The following ANKRD26 variants were observed in gnomAD, a reference collection of about 807,000 sequenced individuals.
ANKRD26 encodes ankyrin repeat domain 26.
In ANKRD26, 141 loss-of-function variants were observed where a neutral mutation model predicts 208.7. That is an observed-to-expected ratio of 0.68 (90% CI 0.59 to 0.78). The LOEUF is 0.78. Ranked by LOEUF, ANKRD26 falls within the 30% of genes least tolerant of loss-of-function variation. ANKRD26 has a pLI of 0.00. For synonymous variants in ANKRD26, 636 were observed against 660.4 expected, an observed-to-expected ratio of 0.96 and a Z score of 0.57; for missense variants, 1,889 against 1,938.7, an observed-to-expected ratio of 0.97 and a Z score of 0.48.
At chr10:27,051,233 G>C in intron 16 of ANKRD26, 2 of 1,289,774 alleles carry the variant, frequency 1.6e-6, no homozygotes, top group Non-Finnish European at 2.0e-6. Context: ...CAGGTTCCAT[G>C]CTTTTATAGT....
intron 18 of ANKRD26, 98 bp downstream of exon 18, chr10:27,046,255 G>A (rs536534154): frequency 2.7e-5 from 32 of 1,201,666 alleles, no homozygotes; most frequent in East Asian, 5.0e-5. Flanking sequence ...GGAAACAGTC[G>A]ATATTCTCTA....
chr10:26,955,637 A>G, the ANKRD26 span, among the ~76,000 whole-genome samples: 1 of 152,146 alleles, frequency 6.6e-6, no homozygotes, highest in South Asian at 2.1e-4. Context: ...ACTGTCCTAA[A>G]TGAATGTTGG....
At chr10:27,014,788 G>C in intron 30 of ANKRD26, 77 bp from the exon 31 acceptor site, 1 of 1,227,228 alleles carries the variant, frequency 8.1e-7, no homozygotes. Flanking sequence ...GGTGTCTAAG[G>C]GCTGTTTTGT....
intron 4 of ANKRD26, among the ~76,000 whole-genome samples, chr10:26,981,292 AGAG>A (rs1268782732): frequency 6.6e-6 from 1 of 152,236 alleles, no homozygotes; most frequent in Non-Finnish European, 1.5e-5. Flanking sequence ...AGTCAGCAAA[AGAG>A]GAGCTAACTG....
At chr10:27,016,579 G>GA (rs138363042) in intron 30 of ANKRD26, among the ~76,000 whole-genome samples, 1 of 145,762 alleles carries the variant, frequency 6.9e-6, no homozygotes, top group Non-Finnish European at 1.5e-5. Context: ...GCCCAGCTTT[G>GA]TTTTTTTTTT....
chr10:27,056,144 T>C (rs2054830726), intron 15 of ANKRD26, among the ~76,000 whole-genome samples: 1 of 152,158 alleles, frequency 6.6e-6, no homozygotes, highest in Admixed American at 6.5e-5. Flanking sequence ...ATAAGGAGAA[T>C]AAACACAAAG....
At chr10:26,969,089 CCTT>C (rs1372317408), downstream of ANKRD26, among the ~76,000 whole-genome samples, 3 of 152,164 alleles carry the variant, frequency 2.0e-5, no homozygotes, top group Non-Finnish European at 2.9e-5. Context: ...AATATATACT[CCTT>C]GAGTCAATAT....
chr10:27,035,091 A>C lies in ANKRD26; in HGVS notation c.3359T>G (p.Val1120Gly). ...CTTTCCAATGTATTTATTCACTTTA[A>C]CTTGTTCATTTTGATACTTTTGTTC... ...EMEQKYQNEQ[V>G]KVNKYIGKQE... The change falls in exon 24 of 34, where the codon GTT becomes GGT. Residue 1120 changes from valine to glycine, a missense_variant. By Grantham distance (109) the Val-to-Gly change is moderately radical. This residue lies in a region of ANKRD26 where 613 missense variants were observed against 648.2 expected (regional missense o/e 0.95). Transcript: ENST00000376087. 6.2e-7 allele frequency: 1 copy of C among 1,612,814 alleles called. No homozygotes were observed. Among genetic ancestry groups the C allele is most frequent in the Non-Finnish European group, 8.5e-7 (1 of 1,179,416 alleles).
chr10:27,032,513 G>A (rs2053900637), intron 25 of ANKRD26, among the ~76,000 whole-genome samples: 1 of 152,072 alleles, frequency 6.6e-6, no homozygotes, highest in Non-Finnish European at 1.5e-5. Context: ...GTGGGCACCT[G>A]TAATCCCAGC....
At chr10:27,032,810 G>C (rs538146602) in intron 25 of ANKRD26, among the ~76,000 whole-genome samples, 110 of 146,066 alleles carry the variant, frequency 7.5e-4, no homozygotes, top group African/African-American at 2.5e-3. Flanking sequence ...GTGAGACTCT[G>C]TCTCAAAAAA....
At chr10:27,073,565 A>G (rs1046815155) in intron 9 of ANKRD26, among the ~76,000 whole-genome samples, 1 of 152,138 alleles carries the variant, frequency 6.6e-6, no homozygotes, top group African/African-American at 2.4e-5. Context: ...ACTTTAGTGC[A>G]TATCACTGAG....
chr10:27,089,692 T>G (rs10829177), intron 4 of ANKRD26, among the ~76,000 whole-genome samples: 13,083 of 152,246 alleles, frequency 0.086, 903 homozygotes, highest in African/African-American at 0.19. Context: ...CTTGGGAGGC[T>G]GAGGTGGGAG....
intron 15 of ANKRD26, among the ~76,000 whole-genome samples, chr10:27,054,874 T>C (rs977388950): frequency 6.6e-6 from 1 of 152,208 alleles, no homozygotes. Flanking sequence ...GAAAGCCTTA[T>C]ATGTAATCTT....
Position 27,046,409 on chromosome 10 carries a change from G to T in ANKRD26, c.1929C>A (p.Gly643=). The change falls in exon 18 of 34, where the codon GGC becomes GGA. Residue 643 remains glycine (G), a synonymous_variant. Transcript: ENST00000376087. ...VFGKASLLTG[G]LLQVDDDSSL... ...TGCTGTCATCATCCACTTGTAGCAGGCCACCAGTTAGTAAACTGGCCTTCC... is the reference window on the plus strand; with the variant it reads ...TGCTGTCATCATCCACTTGTAGCAGTCCACCAGTTAGTAAACTGGCCTTCC... 1.2e-6 allele frequency: 2 copies of T among 1,613,942 alleles called. No homozygotes were observed. Among genetic ancestry groups the T allele is most frequent in the Non-Finnish European group, 1.7e-6 (2 of 1,179,974 alleles).
At chr10:27,032,281 C>T (rs1305245824) in intron 25 of ANKRD26, among the ~76,000 whole-genome samples, 2 of 152,084 alleles carry the variant, frequency 1.3e-5, no homozygotes, top group African/African-American at 4.8e-5. Context: ...GGTGGAACAC[C>T]TGAGGTCAGG....
At chr10:27,064,117 T>C in intron 11 of ANKRD26, 36 bp from the exon 12 acceptor site, 1 of 1,415,848 alleles carries the variant, frequency 7.1e-7, no homozygotes. Context: ...GTTTCAATTT[T>C]ACAAAAAGAA....
chr10:27,093,550 C>A (rs1056597892), intron 2 of ANKRD26, 28 bp from the exon 3 acceptor site: 8 of 1,613,330 alleles, frequency 5.0e-6, no homozygotes, highest in Middle Eastern at 1.6e-4. Context: ...AGAAACAGAT[C>A]ATAAATTCTA....
chr10:27,004,278 A>T lies in ANKRD26; in HGVS notation c.*1312T>A, dbSNP rs2052795577. 6.6e-6 allele frequency: 1 copy of T among 152,180 alleles called. No homozygotes were observed. The highest frequency in any genetic ancestry group is 1.5e-5 in the Non-Finnish European group (1 of 68,018). 9.4% of individuals were successfully genotyped at this position (152,180 alleles called of 1,614,324 possible). A position where few individuals can be genotyped will look rare whatever the true frequency, so the allele number is the denominator to read the frequency against. ...TACTACCTCTTATAATCTTTCTGTAAGTCTGAAGTTGTCAAAATATAACAT... is the reference window on the plus strand; with the variant it reads ...TACTACCTCTTATAATCTTTCTGTATGTCTGAAGTTGTCAAAATATAACAT... On this transcript the variant is annotated 3_prime_UTR_variant, in exon 34 of 34. Transcript: ENST00000376087.
chr10:27,010,406 T>C (rs775501753), intron 32 of ANKRD26, among the ~76,000 whole-genome samples: 55 of 152,264 alleles, frequency 3.6e-4, no homozygotes, highest in Non-Finnish European at 5.9e-4. Flanking sequence ...CATCATCTTA[T>C]AAAATGTTGT....
Sources: gnomAD v4.1 joint callset for allele counts (sites outside exome capture counted in the v4.1 genomes callset) on GRCh38, gnomAD v4.1.1 for gene constraint, gnomAD v4.1.1 regional missense constraint, MANE v1.5 for transcripts, NCBI Gene and HGNC (gene_info 2026-07-23, HGNC 2026-07-21) for gene names.